Variants in VAV3 observed in about 807,000 individuals in gnomAD.
VAV3 encodes the protein vav guanine nucleotide exchange factor 3, also known as guanine nucleotide exchange factor VAV3.
Under a neutral mutation model 131.2 loss-of-function variants are expected in VAV3, and 94 were observed. The ratio of observed to expected loss-of-function variants is 0.72; its 90% CI spans 0.61 to 0.85. VAV3 has a LOEUF of 0.85. Among genes scored for constraint, VAV3 ranks in the 40% least tolerant of loss-of-function variants. VAV3 has a pLI of 0.00. For synonymous variants in VAV3, 349 were observed against 342.0 expected (o/e 1.02, Z -0.22); for missense variants, 939 against 1,002.7 (o/e 0.94, Z 0.86).
chr1:107,679,741 T>G (rs1223294507), intron 19 of VAV3, among the ~76,000 whole-genome samples: 1 of 152,202 alleles, frequency 6.6e-6, no homozygotes, highest in Non-Finnish European at 1.5e-5. Context: ...ATTACATCAG[T>G]GCTCAGATTT....
intron 2 of VAV3, among the ~76,000 whole-genome samples, chr1:107,782,301 TC>T (rs1460960323): frequency 6.6e-6 from 1 of 152,006 alleles, no homozygotes; most frequent in African/African-American, 2.4e-5. Flanking sequence ...CTATTCCTTT[TC>T]CCCCACCAAA....
intron 2 of VAV3, among the ~76,000 whole-genome samples, chr1:107,813,402 T>C (rs993942146): frequency 1.3e-5 from 2 of 152,210 alleles, no homozygotes; most frequent in African/African-American, 4.8e-5. Flanking sequence ...ATTGGCATAC[T>C]GGCATATTAG....
chr1:107,870,208 C>T (rs978101990), intron 2 of VAV3, among the ~76,000 whole-genome samples: 1 of 152,126 alleles, frequency 6.6e-6, no homozygotes, highest in Non-Finnish European at 1.5e-5. Context: ...TAAGGAATTT[C>T]CACACTGTTT....
intron 25 of VAV3, among the ~76,000 whole-genome samples, chr1:107,584,641 T>C (rs1324902407): frequency 2.6e-5 from 4 of 152,202 alleles, no homozygotes; most frequent in African/African-American, 4.8e-5. Flanking sequence ...TTTAATTGAA[T>C]GCTGACATCT....
intron 19 of VAV3, chr1:107,668,916 C>T: frequency 1.0e-6 from 1 of 987,138 alleles, no homozygotes; most frequent in Non-Finnish European, 1.2e-6. Flanking sequence ...AGTTAGTTCA[C>T]AAGCTACTTA....
At chr1:107,608,549 C>T (rs1652477331) in intron 22 of VAV3, among the ~76,000 whole-genome samples, 1 of 152,114 alleles carries the variant, frequency 6.6e-6, no homozygotes, top group Non-Finnish European at 1.5e-5. Flanking sequence ...AAGCACATTC[C>T]CAGTTCTATC....
rs538107328 is a variant in VAV3 at position 107,681,799 on chromosome 1, A to G, written c.1777+1689T>C. ...CTCCCAAGTAGCTGGGACTACAGGC[A>G]CCCGCCACCACCCCCAGCTATTTTT... On this transcript the variant is annotated intron_variant, in intron 19 of 26. Coordinates refer to ENST00000370056, the MANE Select transcript of VAV3 (RefSeq NM_006113.5). Among the ~76,000 whole-genome samples the G allele has an allele frequency of 4.5e-3, 677 of 151,464 alleles. 3 individuals carry two copies. The highest frequency in any genetic ancestry group is 0.012 in the African/African-American group (506 of 41,306).
chr1:107,723,669 G>T (rs552099240), intron 15 of VAV3, among the ~76,000 whole-genome samples: 2 of 152,024 alleles, frequency 1.3e-5, no homozygotes, highest in Non-Finnish European at 2.9e-5. Context: ...TCAAAGCTGC[G>T]CTAGTACCAT....
Position 107,964,709 on chromosome 1 carries a change from G to A in VAV3, c.161C>T (p.Ser54Phe), listed in dbSNP as rs919664631. Residue 54 changes from serine to phenylalanine, a missense_variant, in exon 1 of 27, where the codon TCC becomes TTC. Physicochemically the swap from Ser to Phe is radical, Grantham distance 155. Coordinates refer to ENST00000370056, the MANE Select transcript of VAV3 (RefSeq NM_006113.5). ...CQLLNNLRAH[S>F]INLKEINLRP... ...CAGGTTGATCTCCTTCAGGTTGATGGAGTGCGCCCGGAGGTTGTTAAGCAG... is the reference window on the plus strand; with the variant it reads ...CAGGTTGATCTCCTTCAGGTTGATGAAGTGCGCCCGGAGGTTGTTAAGCAG... The A allele has an allele frequency of 5.0e-6, 8 of 1,613,986 alleles. No individual in the cohort carries two copies. The Middle Eastern group carries it at 1.2e-3, about 232-fold the overall frequency.
chr1:107,639,284 A>ATG (rs1655159962), intron 20 of VAV3, among the ~76,000 whole-genome samples: 1 of 152,202 alleles, frequency 6.6e-6, no homozygotes, highest in Non-Finnish European at 1.5e-5. Context: ...TGTTAGATGT[A>ATG]ATACCTTTAG....
intron 4 of VAV3, among the ~76,000 whole-genome samples, chr1:107,774,827 C>A (rs2102202500): frequency 6.6e-6 from 1 of 152,058 alleles, no homozygotes; most frequent in Non-Finnish European, 1.5e-5. Flanking sequence ...GTATATTTAC[C>A]CATAGAAATT....
intron 19 of VAV3, chr1:107,669,171 C>T (rs1033826496): frequency 4.6e-6 from 5 of 1,075,776 alleles, no homozygotes; most frequent in Non-Finnish European, 5.7e-6. Context: ...TTACAAAAAC[C>T]TCCTGCTATT....
intron 2 of VAV3, among the ~76,000 whole-genome samples, chr1:107,799,312 A>C (rs1163413103): frequency 7.1e-6 from 1 of 140,478 alleles, no homozygotes; most frequent in Non-Finnish European, 1.5e-5. Flanking sequence ...TTCACCTATC[A>C]AAAAAAAAAA....
At chr1:107,929,733 T>C (rs1488842928) in intron 1 of VAV3, among the ~76,000 whole-genome samples, 1 of 152,202 alleles carries the variant, frequency 6.6e-6, no homozygotes, top group Non-Finnish European at 1.5e-5. Flanking sequence ...GCTTGTTTGT[T>C]TGCTTGTGCA....
chr1:107,639,418 T>C (rs1383596072), intron 20 of VAV3, among the ~76,000 whole-genome samples: 1 of 151,828 alleles, frequency 6.6e-6, no homozygotes, highest in Non-Finnish European at 1.5e-5. Context: ...CATATGGAAA[T>C]AAAATATTTT....
intron 15 of VAV3, among the ~76,000 whole-genome samples, chr1:107,747,354 C>T (rs1663414324): frequency 6.6e-6 from 1 of 151,846 alleles, no homozygotes; most frequent in African/African-American, 2.4e-5. Context: ...CCAAACGAAA[C>T]CCATAAAAAA....
intron 1 of VAV3, among the ~76,000 whole-genome samples, chr1:107,926,011 G>A (rs191568112): frequency 5.8e-4 from 88 of 152,132 alleles, no homozygotes; most frequent in South Asian, 8.3e-4. Context: ...GGCCAGGTGC[G>A]GTGGCTGCCT....
At chr1:107,698,190 A>C (rs1215093828) in intron 17 of VAV3, among the ~76,000 whole-genome samples, 1 of 152,200 alleles carries the variant, frequency 6.6e-6, no homozygotes, top group Non-Finnish European at 1.5e-5. Flanking sequence ...CCAATTTTGG[A>C]TGGTTCATTT....
intron 2 of VAV3, among the ~76,000 whole-genome samples, chr1:107,808,507 AAACT>A (rs1158035341): frequency 2.0e-5 from 3 of 152,302 alleles, no homozygotes; most frequent in African/African-American, 7.2e-5. Flanking sequence ...TATAGTATAA[AAACT>A]AACAAATGAT....
Sources: allele counts gnomAD v4.1 joint callset (sites outside exome capture counted in the v4.1 genomes callset), GRCh38; gene constraint gnomAD v4.1.1; transcripts MANE v1.5; gene names NCBI Gene and HGNC (gene_info 2026-07-23, HGNC 2026-07-21).